SF3B3: variants seen among roughly 807,000 people sequenced by gnomAD.
The protein encoded by SF3B3 is SAP 130.
A neutral mutation model predicts 139.2 loss-of-function variants in SF3B3; 33 were observed. The ratio of observed to expected loss-of-function variants is 0.24; its 90% CI spans 0.18 to 0.32. The LOEUF (loss-of-function observed/expected upper bound fraction) is 0.32. Among genes scored for constraint, SF3B3 ranks in the 10% least tolerant of loss-of-function variants. SF3B3 has a pLI of 1.00. For synonymous variants in SF3B3, 596 were observed against 563.6 expected (o/e 1.06, Z -0.81); for missense variants, 818 against 1,509.4 (o/e 0.54, Z 7.59).
At chr16:70,537,980 G>A (rs1215228033) in intron 6 of SF3B3, 3 of 530,144 alleles carry the variant, frequency 5.7e-6, no homozygotes, top group Non-Finnish European at 1.1e-5. Flanking sequence ...GTAGAACAGG[G>A]TAATTTGGAT....
At chr16:70,527,997 G>A (rs2050081054) in intron 2 of SF3B3, among the ~76,000 whole-genome samples, 1 of 151,760 alleles carries the variant, frequency 6.6e-6, no homozygotes, top group Non-Finnish European at 1.5e-5. Flanking sequence ...GGCTGATCTC[G>A]AATTCCTGAC....
At position 70,568,279 on chromosome 16, in the gene SF3B3, C is replaced by G. The variant is rs767218129; in HGVS notation, c.2953-4C>G. 6.2e-7 allele frequency: 1 copy of G among 1,606,402 alleles called. No individual in the cohort carries two copies. Among genetic ancestry groups the G allele is most frequent in the East Asian group, 2.2e-5 (1 of 44,828 alleles). ...ACCATCACTATTGTCTTTGTTTTTC[C>G]CAGCATATTGCCAATTATATCTCTG... On this transcript the variant is annotated splice_polypyrimidine_tract_variant and splice_region_variant and intron_variant, in intron 21 of 25. Transcript: ENST00000302516.
At chr16:70,541,189 G>A (rs1226261971) in intron 8 of SF3B3, among the ~76,000 whole-genome samples, 1 of 152,152 alleles carries the variant, frequency 6.6e-6, no homozygotes, top group African/African-American at 2.4e-5. Context: ...GCCTTTCCCC[G>A]GTGATGAGTG....
chr16:70,530,956 C>T (rs1299040185), intron 4 of SF3B3, 39 bp downstream of exon 4: 3 of 1,551,858 alleles, frequency 1.9e-6, no homozygotes, highest in Non-Finnish European at 1.7e-6. Flanking sequence ...CTTTCAGTCA[C>T]CTCAGTGTTT....
rs971671513 is a variant in SF3B3, at chr16:70,571,967, C to T, written c.*154C>T. 4 of 907,964 alleles carry T rather than the reference C, an allele frequency of 4.4e-6. No individual in the cohort carries two copies. Among genetic ancestry groups the T allele is most frequent in the Non-Finnish European group, 3.4e-6 (2 of 591,904 alleles). 56.2% of individuals were successfully genotyped at this position (907,964 alleles called of 1,614,324 possible). ...ACAGCTCTTTCCCCTCAGCTCTTCT[C>T]CTGGAATGACTGGCTTCCCCTCAAA... On this transcript the variant is annotated 3_prime_UTR_variant, in exon 26 of 26. Transcript: ENST00000302516.
intron 2 of SF3B3, 120 bp downstream of exon 2, chr16:70,526,846 A>G: frequency 1.4e-6 from 1 of 701,356 alleles, no homozygotes; most frequent in East Asian, 2.7e-5. Context: ...AATGTAAACA[A>G]TTCAAATTAT....
At chr16:70,542,589 G>T (rs2050229698) in intron 9 of SF3B3, among the ~76,000 whole-genome samples, 1 of 152,214 alleles carries the variant, frequency 6.6e-6, no homozygotes, top group South Asian at 2.1e-4. Flanking sequence ...CTGGGTACTG[G>T]GGAAACAAGT....
Position 70,541,848 on chromosome 16 carries a change from T to A in SF3B3, c.1233+14T>A. 2 of 1,608,472 alleles carry A rather than the reference T, an allele frequency of 1.2e-6. No individual in the cohort carries two copies. The highest frequency in any genetic ancestry group is 1.7e-6 in the Non-Finnish European group (2 of 1,176,406). On this transcript the variant is annotated intron_variant, in intron 9 of 25. Transcript: ENST00000302516. ...CTGTTTTGCCAGGTTGGTGGGCCTT[T>A]CCAGCCCCTTCCACAATAGATCTAA...
chr16:70,571,963 T>A lies in SF3B3; in HGVS notation c.*150T>A. On this transcript the variant is annotated 3_prime_UTR_variant, in exon 26 of 26. Coordinates refer to ENST00000302516, the MANE Select transcript of SF3B3 (RefSeq NM_012426.5). ...GTCAACAGCTCTTTCCCCTCAGCTC[T>A]TCTCCTGGAATGACTGGCTTCCCCT... is the stretch of plus-strand genomic sequence containing the variant. 1 of 944,800 alleles carries A rather than the reference T, an allele frequency of 1.1e-6. No individual in the cohort carries two copies. The highest frequency in any genetic ancestry group is 1.6e-6 in the Non-Finnish European group (1 of 625,900). 58.5% of individuals were successfully genotyped at this position (944,800 alleles called of 1,614,324 possible).
intron 10 of SF3B3, among the ~76,000 whole-genome samples, chr16:70,545,783 T>C (rs1433226779): frequency 2.6e-5 from 4 of 152,234 alleles, no homozygotes; most frequent in South Asian, 2.1e-4. Flanking sequence ...TAAAGAATTA[T>C]GTGAATTAAA....
At chr16:70,543,402 C>G (rs1290608879) in intron 9 of SF3B3, among the ~76,000 whole-genome samples, 2 of 131,764 alleles carry the variant, frequency 1.5e-5, no homozygotes, top group Non-Finnish European at 3.3e-5. Context: ...GAGCGAAACC[C>G]CGTCTCAAAA....
intron 15 of SF3B3, among the ~76,000 whole-genome samples, chr16:70,557,267 T>G (rs1365985264): frequency 3.9e-5 from 6 of 152,226 alleles, no homozygotes; most frequent in Non-Finnish European, 8.8e-5. Flanking sequence ...TGATAGCTAC[T>G]CTAAGTCAGA....
intron 24 of SF3B3, 78 bp downstream of exon 24, chr16:70,570,227 C>A: frequency 7.6e-7 from 1 of 1,315,692 alleles, no homozygotes; most frequent in South Asian, 1.3e-5. Flanking sequence ...AGGTCAAATT[C>A]ATTTGTCCCC....
Position 70,563,832 on chromosome 16 carries a change from G to A in SF3B3, c.2289-44G>A, listed in dbSNP as rs759998217. 1.9e-6 allele frequency: 3 copies of A among 1,590,570 alleles called. No individual in the cohort carries two copies. In the South Asian group the frequency reaches 3.3e-5, roughly 18 times the overall value. On this transcript the variant is annotated intron_variant, in intron 17 of 25. Transcript: ENST00000302516. ...AAGTCTATTTCAACACCAGTTTCTG[G>A]GTCCGAGTGAGTATTAAATAACTGC...
Position 70,571,652 on chromosome 16 carries a change from TCTGC to T in SF3B3, c.3514-20_3514-17del. 1.3e-6 allele frequency: 2 copies of T among 1,593,008 alleles called. No individual in the cohort carries two copies. The highest frequency in any genetic ancestry group is 3.7e-5 in the Admixed American group (2 of 54,124). ...TGGGCATCTCACCATTTTTTTTCTTTCTGCTTTCTCCATATCTTAGAATGTGATT... is the reference window on the plus strand; with the variant it reads ...TGGGCATCTCACCATTTTTTTTCTTTTTTCTCCATATCTTAGAATGTGATT... On this transcript the variant is annotated splice_polypyrimidine_tract_variant and intron_variant, in intron 25 of 25. Transcript: ENST00000302516.
intron 2 of SF3B3, among the ~76,000 whole-genome samples, chr16:70,527,545 A>G (rs2050075897): frequency 6.6e-6 from 1 of 151,958 alleles, no homozygotes; most frequent in Non-Finnish European, 1.5e-5. Context: ...TCATGTTGTT[A>G]TTTTCTCTGA....
intron 15 of SF3B3, among the ~76,000 whole-genome samples, chr16:70,558,954 CAGA>C (rs1197158092): frequency 1.3e-5 from 2 of 152,114 alleles, no homozygotes; most frequent in Non-Finnish European, 2.9e-5. Context: ...TCGGATATTG[CAGA>C]AGAAGAAGTT....
At chr16:70,570,239 C>A in intron 24 of SF3B3, 90 bp downstream of exon 24, 4 of 1,219,300 alleles carry the variant, frequency 3.3e-6, no homozygotes, top group Non-Finnish European at 2.3e-6. Flanking sequence ...TTTGTCCCCA[C>A]ATATAATTAA....
At position 70,555,173 on chromosome 16, in the gene SF3B3, A is replaced by G. The variant is rs2050367644; in HGVS notation, c.1677A>G (p.Thr559=). Residue 559 remains threonine (T), a synonymous_variant, in exon 13 of 26, where the codon ACA becomes ACG. Transcript: ENST00000302516. Reference sequence around the variant, plus strand: ...AGCGACAAGTGGTGATTGCCCTGACAGGAGGAGAGCTGGTCTATTTCGAGA... The same window carrying G: ...AGCGACAAGTGGTGATTGCCCTGACGGGAGGAGAGCTGGTCTATTTCGAGA... The part of the protein sequence containing the change: ...VNQRQVVIAL[T]GGELVYFEMD... 1.9e-6 allele frequency: 3 copies of G among 1,614,128 alleles called. No individual in the cohort carries two copies. Among genetic ancestry groups the G allele is most frequent in the South Asian group, 1.1e-5 (1 of 91,084 alleles).
Sources: gnomAD v4.1 joint callset for allele counts (sites outside exome capture counted in the v4.1 genomes callset) on GRCh38, gnomAD v4.1.1 for gene constraint, MANE v1.5 for transcripts, NCBI Gene and HGNC (gene_info 2026-07-23, HGNC 2026-07-21) for gene names.